Variants in NXNL2 observed in about 807,000 individuals in gnomAD.
NXNL2 encodes nucleoredoxin-like protein 2.
A neutral mutation model predicts 11.1 loss-of-function variants in NXNL2; 7 were observed. The ratio of observed to expected loss-of-function variants is 0.63; its 90% CI spans 0.36 to 1.18. NXNL2 has a LOEUF of 1.18. NXNL2 is among the 50% of genes most tolerant of loss of function. The pLI, the probability that NXNL2 is intolerant of heterozygous loss-of-function variation, is 0.02. For missense variants in NXNL2, 233 were observed against 217.7 expected (o/e 1.07, Z -0.44); for synonymous variants, 109 against 101.8 (o/e 1.07, Z -0.42).
In NXNL2 at chr9:88,535,182, G is replaced by T. The variant is rs1246975771; in HGVS notation, c.-253G>T. ...TGCCTGGCTGGCCCCGCTCCCAGAGGCGGGTGCCGCGCTGTCGCCCAGGTA... is the reference window on the plus strand; with the variant it reads ...TGCCTGGCTGGCCCCGCTCCCAGAGTCGGGTGCCGCGCTGTCGCCCAGGTA... On this transcript the variant is annotated 5_prime_UTR_variant, in exon 1 of 2. Transcript: ENST00000375854. 1.8e-6 allele frequency: 1 copy of T among 542,944 alleles called. No homozygotes were observed. The highest frequency in any genetic ancestry group is 3.2e-6 in the Non-Finnish European group (1 of 312,084). 33.6% of individuals were successfully genotyped at this position (542,944 alleles called of 1,614,324 possible).
At chr9:88,537,852 C>T (rs1829661216) in intron 1 of NXNL2, among the ~76,000 whole-genome samples, 1 of 152,146 alleles carries the variant, frequency 6.6e-6, no homozygotes, top group Admixed American at 6.6e-5. Flanking sequence ...ATTTGCTTGG[C>T]CACAGCCTGC....
In NXNL2 at chr9:88,535,400, T is replaced by G; in HGVS notation, c.-35T>G. ...CCGCAGGTGATCATCCTCCTGCAGG[T>G]GTCCTCGGGTCTCAGGTGGCTGCGT... On this transcript the variant is annotated 5_prime_UTR_variant, in exon 1 of 2. Transcript: ENST00000375854. The G allele has an allele frequency of 6.5e-7, 1 of 1,539,120 alleles. No homozygotes were observed. The highest frequency in any genetic ancestry group is 8.7e-7 in the Non-Finnish European group (1 of 1,149,722).
exon 3 of NXNL2, chr9:88,575,785 G>A (rs1260245520): frequency 6.6e-6 from 1 of 152,142 alleles, no homozygotes. Context: ...AAATGCTTGA[G>A]GGGATGAATA....
At chr9:88,558,215 C>A (rs1489233793) in intron 1 of NXNL2, among the ~76,000 whole-genome samples, 1 of 152,084 alleles carries the variant, frequency 6.6e-6, no homozygotes, top group Non-Finnish European at 1.5e-5. Flanking sequence ...ATTGAGTTGA[C>A]CACCAATGGC....
chr9:88,558,315 G>T (rs537415185), intron 1 of NXNL2, among the ~76,000 whole-genome samples: 1 of 152,144 alleles, frequency 6.6e-6, no homozygotes, highest in Non-Finnish European at 1.5e-5. Flanking sequence ...AGCTGAACAC[G>T]TAGAGATTCC....
rs1829575438 is a variant in NXNL2 at position 88,535,228 on chromosome 9, A to AG, written c.-206dup. On this transcript the variant is annotated 5_prime_UTR_variant, in exon 1 of 2. Transcript: ENST00000375854. ...AGGTATCTGGGGTCTCTGGTGTCTG[A>AG]GTGTCTCATTGTCGGCGCGAACACA... is the stretch of plus-strand genomic sequence containing the variant. 36 of 559,376 alleles carry AG rather than the reference A, an allele frequency of 6.4e-5. No homozygotes were observed. The South Asian group carries it at 8.3e-4, about 13-fold the overall frequency. 34.7% of individuals were successfully genotyped at this position (559,376 alleles called of 1,614,324 possible). A position where few individuals can be genotyped will look rare whatever the true frequency, so the allele number is the denominator to read the frequency against.
In NXNL2 at chr9:88,535,634, T is replaced by G. The variant is rs199601346; in HGVS notation, c.200T>G (p.Val67Gly). Residue 67 changes from valine (V) to glycine (G), a missense_variant, in exon 1 of 2, where the codon GTG (valine) becomes GGG (glycine). Transcript: ENST00000375854. ...AEARRPAPFE[V>G]VFVSADGSSQ... ...GCGCGGCGGCCCGCGCCCTTCGAAG[T>G]GGTCTTCGTGTCAGCCGACGGCAGC... 5.0e-6 allele frequency: 8 copies of G among 1,608,990 alleles called. No homozygotes were observed. The East Asian group carries it at 1.8e-4, about 36-fold the overall frequency.
chr9:88,573,476 C>T (rs1342539663), intron 2 of NXNL2, among the ~76,000 whole-genome samples: 3 of 152,174 alleles, frequency 2.0e-5, no homozygotes, highest in Admixed American at 2.0e-4. Flanking sequence ...AATACTCATA[C>T]TATCTTGGGT....
intron 1 of NXNL2, among the ~76,000 whole-genome samples, chr9:88,537,906 A>G (rs969590396): frequency 2.6e-5 from 4 of 152,146 alleles, no homozygotes; most frequent in East Asian, 1.9e-4. Context: ...TGCCATGGCA[A>G]CCCAGAAGTG....
intron 1 of NXNL2, among the ~76,000 whole-genome samples, chr9:88,569,805 T>A (rs998107060): frequency 3.9e-5 from 6 of 152,236 alleles, no homozygotes; most frequent in African/African-American, 1.4e-4. Context: ...GGATAAATTC[T>A]ATTTGGCCAT....
intron 1 of NXNL2, among the ~76,000 whole-genome samples, chr9:88,540,495 C>A (rs571431786): frequency 6.6e-6 from 1 of 152,156 alleles, no homozygotes; most frequent in African/African-American, 2.4e-5. Flanking sequence ...CATGGCTGTT[C>A]GTGAAGGAGT....
chr9:88,571,823 T>A (rs749503135), intron 2 of NXNL2, among the ~76,000 whole-genome samples: 11 of 152,162 alleles, frequency 7.2e-5, no homozygotes, highest in Non-Finnish European at 1.3e-4. Context: ...CCAGTCCTCC[T>A]CAGAATTGTG....
Position 88,553,923 on chromosome 9 carries a change from T to C in NXNL2, c.303-17164T>C, listed in dbSNP as rs376497225. Among the ~76,000 whole-genome samples, 84 of 152,338 alleles carry C rather than the reference T, an allele frequency of 5.5e-4. 1 individual carries two copies. The South Asian group carries it at 0.016, about 30-fold the overall frequency. On this transcript the variant is annotated intron_variant, in intron 1 of 2. Coordinates refer to the NXNL2 transcript ENST00000375855. ...TTCCTCTTTCCTTATGTATGTGTTG[T>C]CATGATTTTGTTACAAATAATCATC...
chr9:88,569,994 C>A (rs1229033839), intron 1 of NXNL2, among the ~76,000 whole-genome samples: 1 of 152,066 alleles, frequency 6.6e-6, no homozygotes, highest in Non-Finnish European at 1.5e-5. Context: ...TGTCTGCAAA[C>A]CTCCATGCCC....
chr9:88,580,977 G>C (rs1171478999), intron 1 of NXNL2, among the ~76,000 whole-genome samples: 2 of 152,200 alleles, frequency 1.3e-5, no homozygotes, highest in African/African-American at 4.8e-5. Context: ...AATATCATAA[G>C]AGTGACGTGG....
intron 1 of NXNL2, among the ~76,000 whole-genome samples, chr9:88,583,079 T>A (rs184976874): frequency 6.6e-6 from 1 of 152,316 alleles, no homozygotes; most frequent in African/African-American, 2.4e-5. Context: ...CTGTGGCCAG[T>A]GGGCAGCCAG....
At chr9:88,559,638 C>T (rs1400254486) in intron 1 of NXNL2, among the ~76,000 whole-genome samples, 1 of 152,210 alleles carries the variant, frequency 6.6e-6, no homozygotes, top group East Asian at 1.9e-4. Context: ...ACTCTGAGCA[C>T]AGAATCCCCA....
At chr9:88,571,849 G>A (rs1467836139) in intron 2 of NXNL2, among the ~76,000 whole-genome samples, 1 of 152,112 alleles carries the variant, frequency 6.6e-6, no homozygotes, top group Non-Finnish European at 1.5e-5. Context: ...CCCATTTAAC[G>A]TCTCCACCGG....
At chr9:88,560,817 T>C (rs1400414718) in intron 1 of NXNL2, among the ~76,000 whole-genome samples, 31 of 152,138 alleles carry the variant, frequency 2.0e-4, no homozygotes, top group Admixed American at 2.0e-3. Context: ...TAGGTTCTCA[T>C]TTCCAGCATC....
Sources: gnomAD v4.1 joint callset for allele counts (sites outside exome capture counted in the v4.1 genomes callset) on GRCh38, gnomAD v4.1.1 for gene constraint, MANE v1.5 for transcripts, NCBI Gene and HGNC (gene_info 2026-07-23, HGNC 2026-07-21) for gene names.